The following MICOS10 variants were observed in gnomAD, a reference collection of about 807,000 sequenced individuals.
MICOS10 encodes the protein MICOS complex subunit MIC10.
In MICOS10, 5 loss-of-function variants were observed where a neutral mutation model predicts 13.4. The ratio of observed to expected loss-of-function variants is 0.37; its 90% CI spans 0.20 to 0.78. MICOS10 has a LOEUF of 0.78. MICOS10 is among the 30% of genes least tolerant of loss of function. MICOS10 has a pLI of 0.47. For synonymous variants in MICOS10, 35 were observed against 33.6 expected, an observed-to-expected ratio of 1.04 and a Z score of -0.15; for missense variants, 101 against 94.6, an observed-to-expected ratio of 1.07 and a Z score of -0.28.
intron 1 of MICOS10, among the ~76,000 whole-genome samples, chr1:19,610,367 CTTTTTTTTTTT>C (rs773668659): frequency 4.2e-4 from 5 of 11,914 alleles, no homozygotes; most frequent in Non-Finnish European, 4.7e-4. Flanking sequence ...CACCCCCCGG[CTTTTTTTTTTT>C]TTTTTTTTTT....
At chr1:19,609,980 A>G (rs1303439167) in intron 1 of MICOS10, among the ~76,000 whole-genome samples, 1 of 152,154 alleles carries the variant, frequency 6.6e-6, no homozygotes, top group East Asian at 1.9e-4. Context: ...CGTCTCTACT[A>G]AAAATAAAAA....
At chr1:19,597,261 G>A (rs1411574438) in intron 1 of MICOS10, 152 bp downstream of exon 1, 3 of 774,522 alleles carry the variant, frequency 3.9e-6, no homozygotes, top group Non-Finnish European at 6.0e-6. Context: ...CCCGGGCCCC[G>A]GCGGGAGGTC....
At chr1:19,612,451 G>A (rs1253711213) in intron 1 of MICOS10, among the ~76,000 whole-genome samples, 1 of 151,862 alleles carries the variant, frequency 6.6e-6, no homozygotes, top group Non-Finnish European at 1.5e-5. Flanking sequence ...AGCCAGGCGT[G>A]GTGGATCATG....
rs1178270162 is a variant in MICOS10, at chr1:19,610,310, TGAG to T, written c.65-11785_65-11783del. Among the ~76,000 whole-genome samples, 7 of 142,256 alleles carry T rather than the reference TGAG, an allele frequency of 4.9e-5. No individual in the cohort carries two copies. In the South Asian group the frequency reaches 9.3e-4, roughly 19 times the overall value. The allele number at this position is 142,256 out of a possible 152,430, so 93.3% of individuals were successfully genotyped here. On this transcript the variant is annotated intron_variant, in intron 1 of 3. Transcript: ENST00000322753. ...AAAAATGTTGGAGGCTCTAGATAAA[TGAG>T]GAGGTGGTCTAAGAAGACAGCAAAT...
At chr1:19,610,015 A>C (rs2094853059) in intron 1 of MICOS10, among the ~76,000 whole-genome samples, 1 of 152,002 alleles carries the variant, frequency 6.6e-6, no homozygotes, top group African/African-American at 2.4e-5. Flanking sequence ...GGTGGTGCTC[A>C]CCTGTAATCC....
intron 1 of MICOS10, among the ~76,000 whole-genome samples, chr1:19,621,205 C>A (rs927563752): frequency 2.0e-5 from 3 of 152,194 alleles, no homozygotes; most frequent in Non-Finnish European, 2.9e-5. Context: ...GCTTCCATGT[C>A]CCTGAGGTTC....
At chr1:19,600,715 C>T (rs948455217) in intron 1 of MICOS10, 6 of 374,618 alleles carry the variant, frequency 1.6e-5, no homozygotes, top group Admixed American at 1.4e-4. Context: ...GATCCTCCCA[C>T]CTCAGCCTCC....
At chr1:19,616,167 C>G (rs1033989073) in intron 1 of MICOS10, among the ~76,000 whole-genome samples, 73 of 152,238 alleles carry the variant, frequency 4.8e-4, no homozygotes, top group African/African-American at 1.7e-3. Context: ...CCGCCTGCCT[C>G]GGCCTCCCAA....
intron 1 of MICOS10, chr1:19,608,019 C>T (rs941923286): frequency 3.1e-6 from 2 of 644,740 alleles, no homozygotes; most frequent in Admixed American, 2.7e-5. Context: ...AAAAAATGAG[C>T]CTCGCTTAAA....
At chr1:19,598,623 A>C (rs2094801939) in intron 1 of MICOS10, among the ~76,000 whole-genome samples, 1 of 150,532 alleles carries the variant, frequency 6.6e-6, no homozygotes. Flanking sequence ...AAAAAAAAAA[A>C]AAGGAGAAGA....
intron 3 of MICOS10, 142 bp downstream of exon 3, chr1:19,623,725 C>T (rs1353482787): frequency 1.6e-6 from 1 of 617,146 alleles, no homozygotes. Context: ...GCTCTTTGGC[C>T]TTCAGTGATG....
intron 1 of MICOS10, among the ~76,000 whole-genome samples, chr1:19,606,123 G>A (rs533049805): frequency 6.6e-6 from 1 of 152,200 alleles, no homozygotes; most frequent in African/African-American, 2.4e-5. Context: ...CAAATGAGAG[G>A]AAGCATGAAC....
intron 1 of MICOS10, among the ~76,000 whole-genome samples, chr1:19,615,275 G>C (rs2094879344): frequency 6.6e-6 from 1 of 152,192 alleles, no homozygotes; most frequent in Admixed American, 6.5e-5. Flanking sequence ...ATTTGTTCTT[G>C]AAATGTTTTT....
chr1:19,621,268 AT>A (rs1277477234), intron 1 of MICOS10, among the ~76,000 whole-genome samples: 2 of 152,112 alleles, frequency 1.3e-5, no homozygotes, highest in Non-Finnish European at 2.9e-5. Flanking sequence ...GTGCGGTAGG[AT>A]TGGTCTGGGA....
chr1:19,615,361 G>C (rs561286307), intron 1 of MICOS10, among the ~76,000 whole-genome samples: 16,594 of 151,392 alleles, frequency 0.11, 3,052 homozygotes, highest in African/African-American at 0.38. Context: ...CATCTCATGG[G>C]TTTCATCCTC....
At chr1:19,615,147 G>A (rs1162239518) in intron 1 of MICOS10, among the ~76,000 whole-genome samples, 1 of 152,218 alleles carries the variant, frequency 6.6e-6, no homozygotes, top group East Asian at 1.9e-4. Flanking sequence ...ACTTCTTTCT[G>A]ACTTCTTACC....
At chr1:19,618,380 G>A (rs1570499734) in intron 1 of MICOS10, among the ~76,000 whole-genome samples, 2 of 152,100 alleles carry the variant, frequency 1.3e-5, no homozygotes, top group African/African-American at 4.8e-5. Flanking sequence ...AGGCTCAAGC[G>A]ATCCTCCCAT....
intron 1 of MICOS10, chr1:19,608,157 T>C: frequency 8.0e-7 from 1 of 1,253,360 alleles, no homozygotes. Context: ...GAACAGGTCA[T>C]CAACCTCGGA....
At chr1:19,599,284 T>G (rs995984461) in intron 1 of MICOS10, among the ~76,000 whole-genome samples, 1 of 152,150 alleles carries the variant, frequency 6.6e-6, no homozygotes, top group Admixed American at 6.6e-5. Context: ...CTCAAACTTC[T>G]GGGCTTAAGT....
Sources: allele counts gnomAD v4.1 joint callset (sites outside exome capture counted in the v4.1 genomes callset), GRCh38; gene constraint gnomAD v4.1.1; transcripts MANE v1.5; gene names NCBI Gene and HGNC (gene_info 2026-07-23, HGNC 2026-07-21).